STPG2: variants seen among roughly 807,000 people sequenced by gnomAD.
STPG2 encodes the protein sperm tail PG-rich repeat containing 2.
STPG2 carries 56 observed loss-of-function variants against 54.2 expected under a neutral mutation model. The ratio of observed to expected loss-of-function variants is 1.03; its 90% CI spans 0.83 to 1.29. The LOEUF (loss-of-function observed/expected upper bound fraction) is 1.29. Ranked by LOEUF, STPG2 falls within the 50% of genes most tolerant of loss-of-function variation. STPG2 has a pLI of 0.00. For missense variants in STPG2, 596 were observed against 544.9 expected, an observed-to-expected ratio of 1.09 and a Z score of -0.93; for synonymous variants, 200 against 181.8, an observed-to-expected ratio of 1.10 and a Z score of -0.81.
chr4:97,802,368 A>C (rs1727427896), intron 9 of STPG2, among the ~76,000 whole-genome samples: 1 of 152,186 alleles, frequency 6.6e-6, no homozygotes, highest in South Asian at 2.1e-4. Flanking sequence ...GAAGTACTCC[A>C]TTCTGGTCTC....
intron 6 of STPG2, among the ~76,000 whole-genome samples, chr4:97,973,168 G>A (rs904929149): frequency 5.9e-5 from 9 of 152,174 alleles, no homozygotes; most frequent in African/African-American, 2.2e-4. Context: ...TGACCAAAAT[G>A]CTGACAGTGA....
At chr4:97,699,740 C>T (rs1723702643) in intron 10 of STPG2, among the ~76,000 whole-genome samples, 1 of 152,148 alleles carries the variant, frequency 6.6e-6, no homozygotes, top group African/African-American at 2.4e-5. Context: ...CATCTATGAA[C>T]CAGGCCCTAG....
intron 4 of STPG2, among the ~76,000 whole-genome samples, chr4:97,522,470 A>G (rs912804409): frequency 3.9e-5 from 6 of 152,078 alleles, no homozygotes; most frequent in Admixed American, 6.6e-5. Context: ...TATGGTCGAA[A>G]TGAAATAATT....
intron 9 of STPG2, among the ~76,000 whole-genome samples, chr4:97,827,505 G>A (rs1418447701): frequency 6.6e-6 from 1 of 152,048 alleles, no homozygotes; most frequent in Admixed American, 6.6e-5. Flanking sequence ...AAAGTGCTGG[G>A]ATTACAGGCA....
intron 9 of STPG2, among the ~76,000 whole-genome samples, chr4:97,807,982 G>A (rs1727622894): frequency 6.6e-6 from 1 of 151,786 alleles, no homozygotes; most frequent in Non-Finnish European, 1.5e-5. Flanking sequence ...CAGAAACAAT[G>A]GAAGCCAAAT....
chr4:97,993,990 A>G (rs1025249981), intron 5 of STPG2, among the ~76,000 whole-genome samples: 2 of 152,000 alleles, frequency 1.3e-5, no homozygotes, highest in Non-Finnish European at 2.9e-5. Context: ...TTCTTCATTA[A>G]TCTCACTAAT....
At chr4:97,560,445 T>A (rs995640020) in intron 10 of STPG2, among the ~76,000 whole-genome samples, 5 of 152,116 alleles carry the variant, frequency 3.3e-5, no homozygotes, top group African/African-American at 4.8e-5. Flanking sequence ...TGAGACTCCA[T>A]GCCCTTTAAG....
At chr4:97,597,079 C>G (rs987302984) in intron 10 of STPG2, among the ~76,000 whole-genome samples, 1 of 151,972 alleles carries the variant, frequency 6.6e-6, no homozygotes, top group Admixed American at 6.6e-5. Context: ...ACAAAGGAGT[C>G]ATTACCACCA....
chr4:97,635,425 G>A (rs1721477739), intron 10 of STPG2, among the ~76,000 whole-genome samples: 1 of 152,146 alleles, frequency 6.6e-6, no homozygotes, highest in South Asian at 2.1e-4. Flanking sequence ...GGAAGAAACT[G>A]CATCAACTAA....
intron 9 of STPG2, among the ~76,000 whole-genome samples, chr4:97,833,660 T>TA (rs199785075): frequency 6.0e-5 from 9 of 149,518 alleles, no homozygotes; most frequent in South Asian, 2.1e-4. Flanking sequence ...AAATTTACAA[T>TA]AAAAAAAAAT....
intron 9 of STPG2, among the ~76,000 whole-genome samples, chr4:97,722,946 C>T (rs944926332): frequency 1.1e-4 from 17 of 150,240 alleles, no homozygotes; most frequent in Admixed American, 2.0e-4. Flanking sequence ...TACAGGTGCC[C>T]ACCACCACAC....
At chr4:97,999,108 A>G (rs1735333920) in intron 5 of STPG2, among the ~76,000 whole-genome samples, 1 of 152,200 alleles carries the variant, frequency 6.6e-6, no homozygotes, top group South Asian at 2.1e-4. Context: ...GGAAAATAAC[A>G]ATTTGTTTTA....
At chr4:97,532,927 G>A (rs1049270922) in intron 4 of STPG2, among the ~76,000 whole-genome samples, 1 of 151,936 alleles carries the variant, frequency 6.6e-6, no homozygotes, top group Non-Finnish European at 1.5e-5. Flanking sequence ...CTGTCACCCA[G>A]GCTGGAGCGC....
chr4:97,974,089 C>A (rs1021339444), intron 6 of STPG2, among the ~76,000 whole-genome samples: 2 of 152,146 alleles, frequency 1.3e-5, no homozygotes, highest in Non-Finnish European at 2.9e-5. Context: ...ATGGAGATGC[C>A]CAAGACTGTG....
intron 4 of STPG2, among the ~76,000 whole-genome samples, chr4:97,511,572 A>C (rs1730973210): frequency 6.6e-6 from 1 of 152,046 alleles, no homozygotes; most frequent in Non-Finnish European, 1.5e-5. Flanking sequence ...ACAACAACAA[A>C]AAAACAGTAA....
At chr4:97,478,015 AT>A (rs1730121216) in intron 4 of STPG2, among the ~76,000 whole-genome samples, 1 of 152,218 alleles carries the variant, frequency 6.6e-6, no homozygotes, top group Non-Finnish European at 1.5e-5. Flanking sequence ...AGATTAAGCT[AT>A]CGCATAAGTA....
chr4:97,470,757 T>C (rs998090289), intron 4 of STPG2, among the ~76,000 whole-genome samples: 1 of 152,112 alleles, frequency 6.6e-6, no homozygotes, highest in Non-Finnish European at 1.5e-5. Context: ...TGTGAGATGA[T>C]AAAATGCAAT....
In STPG2 at chr4:97,504,624, G is replaced by C. The variant is rs1009121946; in HGVS notation, c.462+208075C>G. Reference sequence around the variant, plus strand: ...ACTTTCCACTCTTTAAAATCCTGAAGTCTGAATATTCTATTTTCTCCATCT... The same window carrying C: ...ACTTTCCACTCTTTAAAATCCTGAACTCTGAATATTCTATTTTCTCCATCT... On this transcript the variant is annotated intron_variant, in intron 4 of 4. Transcript: ENST00000522676. Among the ~76,000 whole-genome samples the C allele has an allele frequency of 3.3e-5, 5 of 151,838 alleles. No homozygotes were observed. The Admixed American group carries it at 3.3e-4, about 10-fold the overall frequency.
intron 9 of STPG2, among the ~76,000 whole-genome samples, chr4:97,815,372 G>A (rs1578588588): frequency 6.6e-6 from 1 of 152,222 alleles, no homozygotes; most frequent in South Asian, 2.1e-4. Context: ...TAGTGGTTTA[G>A]CATCCCTAAT....
Sources: gnomAD v4.1 joint callset for allele counts (sites outside exome capture counted in the v4.1 genomes callset) on GRCh38, gnomAD v4.1.1 for gene constraint, MANE v1.5 for transcripts, NCBI Gene and HGNC (gene_info 2026-07-23, HGNC 2026-07-21) for gene names.